The following NALF1 variants were observed in gnomAD, a reference collection of about 807,000 sequenced individuals.
NALF1 encodes the protein family with sequence similarity 155 member A.
A neutral mutation model predicts 48.4 loss-of-function variants in NALF1; 3 were observed. The ratio of observed to expected loss-of-function variants is 0.06; its 90% CI spans 0.03 to 0.16. NALF1 has a LOEUF of 0.16. NALF1 is among the 10% of genes least tolerant of loss of function. The pLI is 1.00. For missense variants in NALF1, 526 were observed against 571.5 expected (o/e 0.92, Z 0.81); for synonymous variants, 262 against 245.7 (o/e 1.07, Z -0.62).
At chr13:107,203,233 A>G (rs1439234134) in intron 2 of NALF1, among the ~76,000 whole-genome samples, 1 of 152,220 alleles carries the variant, frequency 6.6e-6, no homozygotes, top group African/African-American at 2.4e-5. Flanking sequence ...CAGAATTCAA[A>G]TCTTTCCTTT....
intron 1 of NALF1, among the ~76,000 whole-genome samples, chr13:107,552,679 A>G (rs1877329704): frequency 1.3e-5 from 2 of 152,116 alleles, no homozygotes; most frequent in African/African-American, 2.4e-5. Flanking sequence ...AGGCACTATA[A>G]CACATATATT....
intron 1 of NALF1, among the ~76,000 whole-genome samples, chr13:107,713,621 T>C (rs1282910199): frequency 6.6e-6 from 1 of 152,210 alleles, no homozygotes; most frequent in Non-Finnish European, 1.5e-5. Context: ...TTCTTAACAT[T>C]GTGCTATTAT....
At chr13:107,282,368 T>A (rs1881405642) in intron 1 of NALF1, among the ~76,000 whole-genome samples, 1 of 152,152 alleles carries the variant, frequency 6.6e-6, no homozygotes, top group Non-Finnish European at 1.5e-5. Context: ...AATACCTGAA[T>A]TAGGGTCATA....
At chr13:107,730,332 C>A (rs1337977688) in intron 1 of NALF1, among the ~76,000 whole-genome samples, 1 of 152,202 alleles carries the variant, frequency 6.6e-6, no homozygotes, top group Non-Finnish European at 1.5e-5. Flanking sequence ...GTCTAACAAC[C>A]TAGTCTTATC....
At chr13:107,776,787 C>G (rs1400403472) in intron 1 of NALF1, among the ~76,000 whole-genome samples, 1 of 152,130 alleles carries the variant, frequency 6.6e-6, no homozygotes, top group Non-Finnish European at 1.5e-5. Context: ...TTAGTGGTGG[C>G]TTAATAAAAA....
chr13:107,224,298 A>G (rs986068946), intron 1 of NALF1, among the ~76,000 whole-genome samples: 10 of 151,734 alleles, frequency 6.6e-5, no homozygotes, highest in Non-Finnish European at 1.0e-4. Context: ...ATGATGCAAA[A>G]CATGTAATAA....
chr13:107,570,799 G>A (rs913545964), intron 1 of NALF1, among the ~76,000 whole-genome samples: 1 of 151,818 alleles, frequency 6.6e-6, no homozygotes, highest in Non-Finnish European at 1.5e-5. Context: ...AGTAAAATCA[G>A]AATTTATATT....
chr13:107,527,932 C>T (rs1876498902), intron 1 of NALF1, among the ~76,000 whole-genome samples: 1 of 152,066 alleles, frequency 6.6e-6, no homozygotes, highest in Non-Finnish European at 1.5e-5. Flanking sequence ...CAAACTAATA[C>T]AAAGCCTAAC....
At chr13:107,461,115 C>T (rs1022739024) in intron 1 of NALF1, among the ~76,000 whole-genome samples, 32 of 151,972 alleles carry the variant, frequency 2.1e-4, no homozygotes, top group African/African-American at 7.7e-4. Context: ...ACCCATAAAA[C>T]AAAATCCTGA....
chr13:107,292,522 CAT>C (rs760197541), intron 1 of NALF1, among the ~76,000 whole-genome samples: 8 of 150,698 alleles, frequency 5.3e-5, no homozygotes, highest in South Asian at 2.1e-4. Flanking sequence ...AAGCTAAACA[CAT>C]GTGTGTATTT....
At chr13:107,323,893 G>A (rs958899561) in intron 1 of NALF1, among the ~76,000 whole-genome samples, 11 of 151,968 alleles carry the variant, frequency 7.2e-5, no homozygotes, top group Admixed American at 2.6e-4. Flanking sequence ...CAGAAGGATC[G>A]CTTGACCCCA....
intron 1 of NALF1, among the ~76,000 whole-genome samples, chr13:107,406,861 C>T (rs544502085): frequency 1.7e-4 from 26 of 152,032 alleles, no homozygotes; most frequent in Non-Finnish European, 3.5e-4. Flanking sequence ...TACCTGACTT[C>T]AAACTATACT....
At chr13:107,404,832 A>G (rs1035207532) in intron 1 of NALF1, among the ~76,000 whole-genome samples, 1 of 152,064 alleles carries the variant, frequency 6.6e-6, no homozygotes, top group African/African-American at 2.4e-5. Flanking sequence ...TTTTACAATG[A>G]GAGTATAATT....
intron 1 of NALF1, among the ~76,000 whole-genome samples, chr13:107,344,697 T>C (rs1010524813): frequency 1.3e-5 from 2 of 152,108 alleles, no homozygotes; most frequent in Non-Finnish European, 2.9e-5. Context: ...ATAAAGGTCA[T>C]ATATGAAAAG....
chr13:107,556,251 T>TCTC (rs1436222900), intron 1 of NALF1, among the ~76,000 whole-genome samples: 1 of 146,164 alleles, frequency 6.8e-6, no homozygotes, highest in Non-Finnish European at 1.5e-5. Flanking sequence ...GAGATGTGCC[T>TCTC]CTCCTCTCTC....
chr13:107,807,995 A>G (rs891219146), intron 1 of NALF1, among the ~76,000 whole-genome samples: 11 of 152,150 alleles, frequency 7.2e-5, no homozygotes, highest in Non-Finnish European at 7.4e-5. Flanking sequence ...ATGGGAATAT[A>G]TGTGAGTGTG....
intron 1 of NALF1, among the ~76,000 whole-genome samples, chr13:107,783,565 C>G (rs1877985070): frequency 6.6e-6 from 1 of 152,226 alleles, no homozygotes; most frequent in African/African-American, 2.4e-5. Context: ...GACCTTACCC[C>G]CCAACCTTGT....
At chr13:107,760,990 G>A (rs1435612203) in intron 1 of NALF1, among the ~76,000 whole-genome samples, 1 of 152,206 alleles carries the variant, frequency 6.6e-6, no homozygotes, top group Non-Finnish European at 1.5e-5. Context: ...AGTAATGGCT[G>A]TCATTTGTTG....
chr13:107,853,511 A>G (rs1273291915), intron 1 of NALF1, among the ~76,000 whole-genome samples: 1 of 152,216 alleles, frequency 6.6e-6, no homozygotes, highest in Non-Finnish European at 1.5e-5. Flanking sequence ...AGCCTTTTGT[A>G]AAGTTGCTAC....
Sources: allele counts gnomAD v4.1 joint callset (sites outside exome capture counted in the v4.1 genomes callset), GRCh38; gene constraint gnomAD v4.1.1; transcripts MANE v1.5; gene names NCBI Gene and HGNC (gene_info 2026-07-23, HGNC 2026-07-21).